LILRA1: variants seen among roughly 807,000 people sequenced by gnomAD.
LILRA1 encodes the protein leukocyte immunoglobulin-like receptor subfamily A member 1.
Under a neutral mutation model 51.6 loss-of-function variants are expected in LILRA1, and 51 were observed. The observed-to-expected ratio is 0.99, with a 90% CI of 0.79 to 1.25. LILRA1 has a LOEUF of 1.25. LILRA1 is among the 50% of genes most tolerant of loss of function. LILRA1 has a pLI of 0.00. For missense variants in LILRA1, 660 were observed against 611.7 expected, an observed-to-expected ratio of 1.08 and a Z score of -0.83; for synonymous variants, 305 against 248.4, an observed-to-expected ratio of 1.23 and a Z score of -2.14.
Position 54,601,055 on chromosome 19 carries a change from C to T in LILRA1, c.*238C>T. 1 of 585,758 alleles carries T rather than the reference C, an allele frequency of 1.7e-6. No individual in the cohort carries two copies. Among genetic ancestry groups the T allele is most frequent in the Non-Finnish European group, 3.0e-6 (1 of 329,688 alleles). The allele number at this position is 585,758 out of a possible 1,614,324, so 36.3% of individuals were successfully genotyped here. A position where few individuals can be genotyped will look rare whatever the true frequency, so the allele number is the denominator to read the frequency against. ...TACCTTTCCTCTCTATTAATGTTGA[C>T]TTCCCTTGGTTGGATCCTCTTCTTT... On this transcript the variant is annotated 3_prime_UTR_variant, in exon 10 of 10. Transcript: ENST00000251372.
At position 54,596,136 on chromosome 19, in the gene LILRA1, C is replaced by T. The variant is rs1302361165; in HGVS notation, c.959-53C>T. 29 of 1,567,976 alleles carry T rather than the reference C, an allele frequency of 1.8e-5. No homozygotes were observed. The East Asian group carries it at 2.0e-4, about 11-fold the overall frequency. Reference sequence around the variant, plus strand: ...GGTCCCAGATAGAAGCCTGGGGAGGCGTCAGCTCAGAACAAGGTGGGGCAG... The same window carrying T: ...GGTCCCAGATAGAAGCCTGGGGAGGTGTCAGCTCAGAACAAGGTGGGGCAG... On this transcript the variant is annotated intron_variant, in intron 6 of 9. Transcript: ENST00000251372.
chr19:54,596,234 C>T lies in LILRA1; in HGVS notation c.1004C>T (p.Thr335Met), dbSNP rs779716359. Residue 335 changes from threonine to methionine, a missense_variant, in exon 7 of 10, where the codon ACG becomes ATG. Physicochemically the swap from Thr to Met is moderately conservative, Grantham distance 81. Coordinates refer to ENST00000251372, the MANE Select transcript of LILRA1 (RefSeq NM_006863.4). ...RPFISVHPGP[T>M]VASGENVTLL... ...TTCATCTCGGTGCATCCGGGCCCCA[C>T]GGTGGCCTCAGGAGAGAACGTGACC... The T allele has an allele frequency of 4.3e-5, 70 of 1,613,916 alleles. No individual in the cohort carries two copies. The highest frequency in any genetic ancestry group is 5.8e-5 in the Non-Finnish European group (68 of 1,179,972).
chr19:54,599,158 G>T, intron 7 of LILRA1, 78 bp from the exon 8 acceptor site: 1 of 1,399,924 alleles, frequency 7.1e-7, no homozygotes, highest in Non-Finnish European at 9.5e-7. Context: ...GGTTATATAA[G>T]TTATACATAA....
chr19:54,600,585 G>T lies in LILRA1; in HGVS notation c.1351+35G>T, dbSNP rs199713015. 6.2e-4 allele frequency: 998 copies of T among 1,613,734 alleles called. 1 individual carries two copies. The highest frequency in any genetic ancestry group is 1.2e-3 in the Middle Eastern group (7 of 6,058). On this transcript the variant is annotated intron_variant, in intron 9 of 9. Coordinates refer to ENST00000251372, the MANE Select transcript of LILRA1 (RefSeq NM_006863.4). ...GAGATGCTCTCGTTTACGGTGCTGG[G>T]CACAAGGGTTGGGTCCTGTCAAGGG...
In LILRA1 at chr19:54,595,678, C is replaced by T; in HGVS notation, c.701C>T (p.Pro234Leu). The T allele has an allele frequency of 1.9e-6, 3 of 1,613,952 alleles. No homozygotes were observed. The highest frequency in any genetic ancestry group is 1.1e-5 in the South Asian group (1 of 91,086). Residue 234 changes from proline to leucine, a missense_variant, in exon 6 of 10, where the codon CCT (proline) becomes CTT (leucine). Physicochemically the swap from Pro to Leu is moderately conservative, Grantham distance 98. Coordinates refer to ENST00000251372, the MANE Select transcript of LILRA1 (RefSeq NM_006863.4). The part of the protein sequence containing the change: ...KKPSLSVQPG[P>L]IVAPGESLTL... The stretch of plus-strand genomic sequence containing the variant: ...CCATCACTCTCAGTGCAGCCAGGTC[C>T]TATAGTGGCCCCTGGGGAGAGCCTG...
rs749078695 is a variant in LILRA1 at position 54,600,551 on chromosome 19, G to C, written c.1351+1G>C. On this transcript the variant is annotated splice_donor_variant, in intron 9 of 9. Transcript: ENST00000251372. LOFTEE classifies it high-confidence loss of function. ...CTCAGCCCATCACAAAACAAGACTGGTGAGTGAGGAGATGCTCTCGTTTAC... is the reference window on the plus strand; with the variant it reads ...CTCAGCCCATCACAAAACAAGACTGCTGAGTGAGGAGATGCTCTCGTTTAC... 1 of 1,614,106 alleles carries C rather than the reference G, an allele frequency of 6.2e-7. No individual in the cohort carries two copies. Among genetic ancestry groups the C allele is most frequent in the East Asian group, 2.2e-5 (1 of 44,886 alleles).
chr19:54,594,900 C>A lies in LILRA1; in HGVS notation c.306C>A (p.Ser102Arg). The A allele has an allele frequency of 6.2e-7, 1 of 1,614,130 alleles. No homozygotes were observed. Among genetic ancestry groups the A allele is most frequent in the Non-Finnish European group, 8.5e-7 (1 of 1,179,976 alleles). The part of the protein sequence containing the change: ...HTGRYRCFYG[S>R]HTAGWSEPSD... ...GGCGGTATCGCTGTTTCTACGGTAG[C>A]CACACTGCAGGCTGGTCAGAGCCCA... The change falls in exon 4 of 10, where the codon AGC becomes AGA. Residue 102 changes from serine to arginine, a missense_variant. Transcript: ENST00000251372.
chr19:54,598,604 T>C (rs1005596059), intron 7 of LILRA1, among the ~76,000 whole-genome samples: 18 of 152,252 alleles, frequency 1.2e-4, no homozygotes, highest in African/African-American at 4.3e-4. Flanking sequence ...GTGCTTTAAA[T>C]TGTTAATTTA....
rs2063037563 is a variant in LILRA1, at chr19:54,595,880, C to T, written c.903C>T (p.Tyr301=). ...GCCAGTACAGATGCTCCGGTGCATACAACCTCTCCTCCGAGTGGTCGGCCC... is the reference window on the plus strand; with the variant it reads ...GCCAGTACAGATGCTCCGGTGCATATAACCTCTCCTCCGAGTGGTCGGCCC... ...YGGQYRCSGA[Y]NLSSEWSAPS... is the part of the protein sequence containing the mutation. The change falls in exon 6 of 10, where the codon TAC becomes TAT. Residue 301 remains tyrosine (Y), a synonymous_variant. Transcript: ENST00000251372. The T allele has an allele frequency of 1.2e-6, 2 of 1,613,992 alleles. No individual in the cohort carries two copies.
intron 9 of LILRA1, 59 bp from the exon 10 acceptor site, chr19:54,600,640 G>A: frequency 6.2e-7 from 1 of 1,611,696 alleles, no homozygotes. Context: ...GACATCCAGA[G>A]GTCCTGGGTG....
Position 54,594,020 on chromosome 19 carries a change from G to A in LILRA1, c.-48-177G>A, listed in dbSNP as rs1464260352. On this transcript the variant is annotated intron_variant, in intron 1 of 9. Transcript: ENST00000251372. ...AGTCTGAAATGTCTGCAGAGGGCCT[G>A]GTTCCTGCCCCCACCTCAGCTCTAA... Among the ~76,000 whole-genome samples, 669 of 150,462 alleles carry A rather than the reference G, an allele frequency of 4.4e-3. 3 individuals carry two copies. Among genetic ancestry groups the A allele is most frequent in the South Asian group, 0.018 (86 of 4,652 alleles).
chr19:54,594,165 C>A, intron 1 of LILRA1, 32 bp from the exon 2 acceptor site: 4 of 1,451,580 alleles, frequency 2.8e-6, no homozygotes, highest in Non-Finnish European at 3.8e-6. Context: ...GGAGGGGAGG[C>A]TATTTCTCTC....
At chr19:54,598,987 G>T (rs895004189) in intron 7 of LILRA1, among the ~76,000 whole-genome samples, 1 of 151,900 alleles carries the variant, frequency 6.6e-6, no homozygotes, top group Non-Finnish European at 1.5e-5. Flanking sequence ...GTAGAGACAG[G>T]GTTTCACCAT....
chr19:54,595,597 C>T, intron 5 of LILRA1, 42 bp from the exon 6 acceptor site: 3 of 1,575,150 alleles, frequency 1.9e-6, no homozygotes, highest in Non-Finnish European at 2.6e-6. Flanking sequence ...TGTGGGGAAG[C>T]CTGAGGGTCG....
intron 7 of LILRA1, among the ~76,000 whole-genome samples, chr19:54,597,513 C>G (rs547341027): frequency 6.6e-6 from 1 of 152,090 alleles, no homozygotes; most frequent in Non-Finnish European, 1.5e-5. Flanking sequence ...CTGCAGGACC[C>G]CACACCCCGA....
rs747684580 is a variant in LILRA1, at chr19:54,594,735, C to A, written c.141C>A (p.Leu47=). 29 of 1,614,086 alleles carry A rather than the reference C, an allele frequency of 1.8e-5. No individual in the cohort carries two copies. Among genetic ancestry groups the A allele is most frequent in the Non-Finnish European group, 2.4e-5 (28 of 1,179,968 alleles). Reference sequence around the variant, plus strand: ...TCACCCAGGGGAGTCCCGTGACCCTCTGGTGTCAGGGGATCCTGGAGACCC... The same window carrying A: ...TCACCCAGGGGAGTCCCGTGACCCTATGGTGTCAGGGGATCCTGGAGACCC... ...SVITQGSPVT[L]WCQGILETQE... The change falls in exon 4 of 10, where the codon CTC becomes CTA. Residue 47 remains leucine (L), a synonymous_variant. Transcript: ENST00000251372.
chr19:54,595,278 G>A lies in LILRA1; in HGVS notation c.537G>A (p.Arg179=), dbSNP rs750300375. 10 of 1,613,954 alleles carry A rather than the reference G, an allele frequency of 6.2e-6. No individual in the cohort carries two copies. In the African/African-American group the frequency reaches 1.3e-4, roughly 22 times the overall value. ...NSQPRTHGWS[R]AIFSVGPVSP... ...AGCCCCGTACCCATGGGTGGTCCCG[G>A]GCCATCTTCTCTGTGGGCCCCGTGA... The change falls in exon 5 of 10, where the codon CGG becomes CGA. Residue 179 remains arginine, a synonymous_variant. Transcript: ENST00000251372.
intron 2 of LILRA1, 39 bp downstream of exon 2, chr19:54,594,317 G>A (rs1555784744): frequency 2.0e-5 from 33 of 1,613,302 alleles, no homozygotes; most frequent in Non-Finnish European, 2.7e-5. Context: ...TAACCTAGGA[G>A]GGACCTCACC....
In LILRA1 at chr19:54,596,416, A is replaced by C. The variant is rs148953809; in HGVS notation, c.1186A>C (p.Arg396=). ...PVTSAHSGTY[R]CYGSLSSNPY... ...GACCTCAGCCCACTCGGGGACCTAC[A>C]GGTGCTACGGCTCACTCAGCTCCAA... The change falls in exon 7 of 10, where the codon AGG becomes CGG. Residue 396 remains arginine (R), a synonymous_variant. Transcript: ENST00000251372. The C allele has an allele frequency of 1.1e-5, 17 of 1,614,026 alleles. No homozygotes were observed. In the African/African-American group the frequency reaches 2.3e-4, roughly 22 times the overall value.
Sources: gnomAD v4.1 joint callset for allele counts (sites outside exome capture counted in the v4.1 genomes callset) on GRCh38, gnomAD v4.1.1 for gene constraint, MANE v1.5 for transcripts, NCBI Gene and HGNC (gene_info 2026-07-23, HGNC 2026-07-21) for gene names.